Variants in KCNH1 observed in about 807,000 individuals in gnomAD.
The protein encoded by KCNH1 is voltage-gated delayed rectifier potassium channel KCNH1.
KCNH1 carries 27 observed loss-of-function variants against 69.2 expected under a neutral mutation model. The observed-to-expected ratio is 0.39, with a 90% CI of 0.29 to 0.54. KCNH1 has a LOEUF of 0.54. Among genes scored for constraint, KCNH1 ranks in the 20% least tolerant of loss-of-function variants. The probability of loss-of-function intolerance (pLI) is 0.68; values close to 1 mark genes in which losing one functional copy is unlikely to be tolerated. For synonymous variants in KCNH1, 456 were observed against 487.7 expected, an observed-to-expected ratio of 0.93 and a Z score of 0.86; for missense variants, 798 against 1,261.6, an observed-to-expected ratio of 0.63 and a Z score of 5.57.
chr1:211,067,949 A>C (rs1690561431), intron 5 of KCNH1, among the ~76,000 whole-genome samples: 1 of 152,364 alleles, frequency 6.6e-6, no homozygotes, highest in South Asian at 2.1e-4. Context: ...GGAGACAAGA[A>C]GCACAGAATG....
At chr1:210,991,118 A>G (rs1367239059) in intron 6 of KCNH1, among the ~76,000 whole-genome samples, 2 of 152,228 alleles carry the variant, frequency 1.3e-5, no homozygotes, top group Admixed American at 1.3e-4. Flanking sequence ...TCTAAAGGAA[A>G]TGAAATCAGT....
At position 210,892,745 on chromosome 1, in the gene KCNH1, T is replaced by A. The variant is rs181801169; in HGVS notation, c.1462+26895A>T. On this transcript the variant is annotated intron_variant, in intron 7 of 10. Transcript: ENST00000271751. ...CCAAACACCTTTGACAAGTCTTAATTGGTCTTGCCTCAAGAAGTGTTCCCA... is the reference window on the plus strand; with the variant it reads ...CCAAACACCTTTGACAAGTCTTAATAGGTCTTGCCTCAAGAAGTGTTCCCA... 3.8e-4 allele frequency among the ~76,000 whole-genome samples: 58 copies of A among 152,294 alleles called. No homozygotes were observed. The Middle Eastern group carries it at 0.01, about 27-fold the overall frequency.
At chr1:211,086,394 C>T (rs1240612796) in intron 4 of KCNH1, among the ~76,000 whole-genome samples, 2 of 152,116 alleles carry the variant, frequency 1.3e-5, no homozygotes, top group African/African-American at 4.8e-5. Context: ...AATGAAGAAA[C>T]CCCTAGCCCA....
chr1:210,731,621 C>T (rs1682749228), intron 10 of KCNH1, among the ~76,000 whole-genome samples: 1 of 152,166 alleles, frequency 6.6e-6, no homozygotes, highest in South Asian at 2.1e-4. Context: ...TCAAGAAATG[C>T]CACAAGCCCT....
rs79364117 is a variant in KCNH1, at chr1:210,746,528, A to T, written c.2112+28820T>A. On this transcript the variant is annotated intron_variant, in intron 10 of 10. Coordinates refer to ENST00000271751, the MANE Select transcript of KCNH1 (RefSeq NM_172362.3). The stretch of plus-strand genomic sequence containing the variant: ...ACCAGGACAGCACGGGGGCTGCAAT[A>T]CACAGACTATGATGTCACACAATCT... Among the ~76,000 whole-genome samples, 36 of 151,854 alleles carry T rather than the reference A, an allele frequency of 2.4e-4. No individual in the cohort carries two copies. The East Asian group carries it at 6.6e-3, about 28-fold the overall frequency.
chr1:210,862,648 T>G (rs898179834), intron 7 of KCNH1, among the ~76,000 whole-genome samples: 3 of 152,184 alleles, frequency 2.0e-5, no homozygotes, highest in African/African-American at 7.2e-5. Context: ...TTTTCAATAG[T>G]TAGAGGCAGG....
At chr1:210,782,844 C>A (rs1039011347) in intron 9 of KCNH1, among the ~76,000 whole-genome samples, 1 of 152,200 alleles carries the variant, frequency 6.6e-6, no homozygotes, top group African/African-American at 2.4e-5. Context: ...GAAAGTGAAC[C>A]CTCACAGGAC....
intron 10 of KCNH1, among the ~76,000 whole-genome samples, chr1:210,690,697 C>T (rs149089653): frequency 3.5e-4 from 54 of 152,308 alleles, no homozygotes; most frequent in African/African-American, 1.2e-3. Flanking sequence ...ACATTTTCTC[C>T]TCGGTATCAT....
intron 10 of KCNH1, among the ~76,000 whole-genome samples, chr1:210,684,572 T>G (rs898376073): frequency 6.6e-6 from 1 of 152,166 alleles, no homozygotes. Context: ...ACCTACTCCA[T>G]TAGTATCTCT....
chr1:210,698,447 A>T (rs1205361501), intron 10 of KCNH1, among the ~76,000 whole-genome samples: 1 of 152,232 alleles, frequency 6.6e-6, no homozygotes, highest in South Asian at 2.1e-4. Flanking sequence ...TAGATACACC[A>T]TAACCAGAAG....
At chr1:210,743,174 C>G (rs1335342981) in intron 10 of KCNH1, among the ~76,000 whole-genome samples, 1 of 123,338 alleles carries the variant, frequency 8.1e-6, no homozygotes, top group African/African-American at 3.4e-5. Flanking sequence ...GATCCTGGAG[C>G]TAGACGGAGC....
intron 3 of KCNH1, among the ~76,000 whole-genome samples, chr1:211,097,390 C>A (rs1691176286): frequency 6.6e-6 from 1 of 151,744 alleles, no homozygotes; most frequent in Non-Finnish European, 1.5e-5. Flanking sequence ...AACTCAGAAC[C>A]ATAAAGGAAA....
intron 7 of KCNH1, among the ~76,000 whole-genome samples, chr1:210,845,391 G>A (rs1370045957): frequency 7.1e-6 from 1 of 141,800 alleles, no homozygotes; most frequent in Admixed American, 7.1e-5. Flanking sequence ...TGATCAAGTG[G>A]GCTTCATCCC....
intron 10 of KCNH1, among the ~76,000 whole-genome samples, chr1:210,737,860 C>T (rs1682917329): frequency 6.6e-6 from 1 of 152,246 alleles, no homozygotes; most frequent in Non-Finnish European, 1.5e-5. Flanking sequence ...ACAGTCTGCT[C>T]CTGACTCATC....
At chr1:210,739,849 G>T (rs1682978387) in intron 10 of KCNH1, among the ~76,000 whole-genome samples, 2 of 152,152 alleles carry the variant, frequency 1.3e-5, no homozygotes, top group South Asian at 4.1e-4. Flanking sequence ...TGGGGAGGAT[G>T]GACCTCGCAG....
At chr1:210,965,488 A>T (rs1340857852) in intron 6 of KCNH1, among the ~76,000 whole-genome samples, 1 of 152,090 alleles carries the variant, frequency 6.6e-6, no homozygotes, top group Non-Finnish European at 1.5e-5. Context: ...TTCATATGGC[A>T]CCAAAAAAGA....
intron 6 of KCNH1, among the ~76,000 whole-genome samples, chr1:210,929,132 A>G (rs1387536129): frequency 6.6e-6 from 1 of 152,212 alleles, no homozygotes; most frequent in Non-Finnish European, 1.5e-5. Flanking sequence ...TACTGACACC[A>G]TTCCAAAAGA....
At chr1:210,986,689 C>T (rs1397096878) in intron 6 of KCNH1, among the ~76,000 whole-genome samples, 3 of 152,168 alleles carry the variant, frequency 2.0e-5, no homozygotes, top group African/African-American at 7.2e-5. Context: ...GTGGGTAACC[C>T]GACCATTCTC....
chr1:210,814,148 T>A (rs973803125), intron 7 of KCNH1, among the ~76,000 whole-genome samples: 2 of 152,136 alleles, frequency 1.3e-5, no homozygotes, highest in African/African-American at 4.8e-5. Context: ...TGCTAGCAGA[T>A]CAATCCAGCA....
Sources: gnomAD v4.1 joint callset for allele counts (sites outside exome capture counted in the v4.1 genomes callset) on GRCh38, gnomAD v4.1.1 for gene constraint, MANE v1.5 for transcripts, NCBI Gene and HGNC (gene_info 2026-07-23, HGNC 2026-07-21) for gene names.